The following FSTL5 variants were observed in gnomAD, a reference collection of about 807,000 sequenced individuals.
FSTL5 encodes follistatin like 5.
In FSTL5, 62 loss-of-function variants were observed where a neutral mutation model predicts 89.1. The ratio of observed to expected loss-of-function variants is 0.70; its 90% CI spans 0.57 to 0.86. The LOEUF is 0.86. FSTL5 is among the 40% of genes least tolerant of loss of function. FSTL5 has a pLI of 0.00. For synonymous variants in FSTL5, 383 were observed against 346.2 expected (o/e 1.11, Z -1.18); for missense variants, 1,057 against 1,001.6 (o/e 1.06, Z -0.75).
At chr4:161,669,111 CAAA>C (rs33950474) in intron 6 of FSTL5, among the ~76,000 whole-genome samples, 1 of 104,650 alleles carries the variant, frequency 9.6e-6, no homozygotes, top group East Asian at 3.0e-4. Flanking sequence ...GACTCTGTCT[CAAA>C]AAAAAAAAAA....
intron 12 of FSTL5, among the ~76,000 whole-genome samples, chr4:161,491,246 T>C (rs1402396797): frequency 6.6e-6 from 1 of 152,058 alleles, no homozygotes; most frequent in South Asian, 2.1e-4. Flanking sequence ...GTTAGAAATA[T>C]ATACAGATTA....
intron 4 of FSTL5, among the ~76,000 whole-genome samples, chr4:161,858,099 C>T (rs1168328661): frequency 6.6e-6 from 1 of 152,044 alleles, no homozygotes; most frequent in Non-Finnish European, 1.5e-5. Flanking sequence ...GAGACAAGAA[C>T]CCTCACGGAC....
rs190740475 is a variant in FSTL5 at position 161,550,762 on chromosome 4, T to C, written c.1016-8069A>G. Reference sequence around the variant, plus strand: ...CCGCACCCCACCACAGTCCCCAGAGTGTGATGTTCCCCTTCCTGTGTCCAT... The same window carrying C: ...CCGCACCCCACCACAGTCCCCAGAGCGTGATGTTCCCCTTCCTGTGTCCAT... On this transcript the variant is annotated intron_variant, in intron 8 of 15. Coordinates refer to ENST00000306100, the MANE Select transcript of FSTL5 (RefSeq NM_020116.5). Among the ~76,000 whole-genome samples the C allele has an allele frequency of 3.7e-3, 556 of 150,744 alleles. 7 individuals are homozygous for C. Among genetic ancestry groups the C allele is most frequent in the African/African-American group, 0.013 (536 of 41,098 alleles).
intron 3 of FSTL5, among the ~76,000 whole-genome samples, chr4:161,932,347 T>C (rs1734311090): frequency 6.6e-6 from 1 of 151,844 alleles, no homozygotes. Flanking sequence ...TGCCAAGATC[T>C]TTAGTTTTTT....
intron 7 of FSTL5, among the ~76,000 whole-genome samples, chr4:161,595,867 C>T (rs890887666): frequency 6.6e-6 from 1 of 151,850 alleles, no homozygotes; most frequent in Non-Finnish European, 1.5e-5. Flanking sequence ...TATGTCCCTC[C>T]TTATAGTTCT....
intron 6 of FSTL5, among the ~76,000 whole-genome samples, chr4:161,685,052 G>T (rs1405690072): frequency 1.3e-5 from 2 of 151,996 alleles, no homozygotes; most frequent in Non-Finnish European, 2.9e-5. Flanking sequence ...AAGATCAGTT[G>T]GCTGTAAGTA....
intron 2 of FSTL5, among the ~76,000 whole-genome samples, chr4:162,062,791 A>C (rs755311125): frequency 6.6e-6 from 1 of 151,316 alleles, no homozygotes; most frequent in Non-Finnish European, 1.5e-5. Flanking sequence ...AAATTTTTTC[A>C]TTATATTTTA....
chr4:161,656,231 T>G, intron 7 of FSTL5, 97 bp downstream of exon 7: 1 of 570,608 alleles, frequency 1.8e-6, no homozygotes, highest in Non-Finnish European at 2.8e-6. Context: ...TCTTTTACTC[T>G]GCATCCAATA....
intron 2 of FSTL5, among the ~76,000 whole-genome samples, chr4:162,068,785 T>A (rs1039721021): frequency 6.6e-6 from 1 of 151,996 alleles, no homozygotes. Context: ...ATTTTTGCAA[T>A]CTATCCATCG....
chr4:161,832,719 T>A (rs1388525850), intron 4 of FSTL5, among the ~76,000 whole-genome samples: 2 of 152,140 alleles, frequency 1.3e-5, no homozygotes, highest in African/African-American at 2.4e-5. Context: ...GTGGGATCGG[T>A]GGTGATATCC....
At chr4:161,906,525 G>A (rs1006325131) in intron 4 of FSTL5, among the ~76,000 whole-genome samples, 1 of 152,222 alleles carries the variant, frequency 6.6e-6, no homozygotes, top group East Asian at 1.9e-4. Context: ...TCCCTGCCCA[G>A]CCTCTTCAAA....
chr4:161,407,544 T>C (rs187839548), intron 15 of FSTL5, among the ~76,000 whole-genome samples: 119 of 152,268 alleles, frequency 7.8e-4, no homozygotes, highest in Non-Finnish European at 1.2e-3. Context: ...ACTGTGGACC[T>C]CTGGAATCCT....
chr4:161,554,733 C>T (rs1732331211), intron 8 of FSTL5, among the ~76,000 whole-genome samples: 1 of 151,614 alleles, frequency 6.6e-6, no homozygotes, highest in African/African-American at 2.4e-5. Flanking sequence ...ATTCACACAG[C>T]TGCAACTGTT....
chr4:161,898,871 C>T (rs145360724), intron 4 of FSTL5, among the ~76,000 whole-genome samples: 18 of 152,038 alleles, frequency 1.2e-4, no homozygotes, highest in East Asian at 1.2e-3. Flanking sequence ...CCTAATGATC[C>T]GCCCGCCTCA....
intron 4 of FSTL5, among the ~76,000 whole-genome samples, chr4:161,830,568 A>T (rs1730812836): frequency 1.3e-5 from 2 of 152,008 alleles, no homozygotes; most frequent in Non-Finnish European, 2.9e-5. Flanking sequence ...GATACTTAGC[A>T]TCTTGAGACT....
At chr4:161,487,164 A>G (rs144970640) in intron 12 of FSTL5, among the ~76,000 whole-genome samples, 70 of 152,318 alleles carry the variant, frequency 4.6e-4, no homozygotes, top group African/African-American at 1.6e-3. Context: ...TTGCTATTCC[A>G]GTATTTCTAC....
chr4:161,573,184 C>T (rs1215693750), intron 8 of FSTL5, among the ~76,000 whole-genome samples: 4 of 151,502 alleles, frequency 2.6e-5, no homozygotes, highest in African/African-American at 7.3e-5. Flanking sequence ...CTGAGTCAAG[C>T]GAATTGCTTG....
intron 6 of FSTL5, among the ~76,000 whole-genome samples, chr4:161,721,625 C>T (rs780677756): frequency 3.9e-5 from 6 of 152,260 alleles, no homozygotes; most frequent in Non-Finnish European, 7.4e-5. Flanking sequence ...CCCCCACTTC[C>T]TATGTCAACT....
chr4:161,439,612 T>A (rs1190854034), intron 15 of FSTL5, among the ~76,000 whole-genome samples: 1 of 152,178 alleles, frequency 6.6e-6, no homozygotes, highest in Non-Finnish European at 1.5e-5. Context: ...GACTTATTTG[T>A]GAAGTGATAT....
Sources: gnomAD v4.1 joint callset for allele counts (sites outside exome capture counted in the v4.1 genomes callset) on GRCh38, gnomAD v4.1.1 for gene constraint, MANE v1.5 for transcripts, NCBI Gene and HGNC (gene_info 2026-07-23, HGNC 2026-07-21) for gene names.